The following IGSF21 variants were observed in gnomAD, a reference collection of about 807,000 sequenced individuals.
IGSF21 encodes the protein immunoglobin superfamily member 21.
Under a neutral mutation model 46.8 loss-of-function variants are expected in IGSF21, and 28 were observed. That is an observed-to-expected ratio of 0.60 (90% CI 0.44 to 0.82). The LOEUF (loss-of-function observed/expected upper bound fraction) is 0.82. Ranked by LOEUF, IGSF21 falls within the 40% of genes least tolerant of loss-of-function variation. The probability of loss-of-function intolerance (pLI) is 0.00; values close to 1 mark genes in which losing one functional copy is unlikely to be tolerated. For missense variants in IGSF21, 624 were observed against 665.5 expected, an observed-to-expected ratio of 0.94 and a Z score of 0.69; for synonymous variants, 284 against 273.6, an observed-to-expected ratio of 1.04 and a Z score of -0.38.
chr1:18,349,747 A>G (rs2085931285), intron 4 of IGSF21, among the ~76,000 whole-genome samples: 1 of 152,162 alleles, frequency 6.6e-6, no homozygotes, highest in African/African-American at 2.4e-5. Flanking sequence ...AGATCTTGTG[A>G]TGATCCCATT....
At chr1:18,311,533 A>G (rs1426488698) in intron 3 of IGSF21, among the ~76,000 whole-genome samples, 3 of 152,140 alleles carry the variant, frequency 2.0e-5, no homozygotes, top group African/African-American at 7.2e-5. Flanking sequence ...TCTGCCATCC[A>G]TTTCTTTACC....
intron 3 of IGSF21, among the ~76,000 whole-genome samples, chr1:18,294,494 G>T (rs1256498051): frequency 6.6e-6 from 1 of 152,176 alleles, no homozygotes. Flanking sequence ...CTACAGAAGA[G>T]GTCAAAGTTC....
At chr1:18,211,738 G>A (rs960255033) in intron 1 of IGSF21, among the ~76,000 whole-genome samples, 1 of 152,112 alleles carries the variant, frequency 6.6e-6, no homozygotes, top group Non-Finnish European at 1.5e-5. Context: ...TATTCCTTGA[G>A]TAATAACTAT....
chr1:18,352,208 A>G (rs920492144), intron 4 of IGSF21, among the ~76,000 whole-genome samples: 3 of 152,160 alleles, frequency 2.0e-5, no homozygotes, highest in Non-Finnish European at 4.4e-5. Flanking sequence ...TTCGTTTTCT[A>G]TCAGTAATCA....
intron 2 of IGSF21, among the ~76,000 whole-genome samples, chr1:18,238,782 CAAGAA>C (rs939903804): frequency 3.0e-4 from 46 of 152,238 alleles, no homozygotes; most frequent in African/African-American, 1.1e-3. Flanking sequence ...CTTCACTTAC[CAAGAA>C]AAGAAAAGAG....
intron 3 of IGSF21, among the ~76,000 whole-genome samples, chr1:18,325,936 G>T (rs57161878): frequency 0.091 from 13,906 of 152,186 alleles, 1,729 homozygotes; most frequent in African/African-American, 0.28. Context: ...TGGGTCACTA[G>T]GCCAAGCTAA....
chr1:18,262,605 G>A (rs1224202450), intron 2 of IGSF21, among the ~76,000 whole-genome samples: 1 of 152,232 alleles, frequency 6.6e-6, no homozygotes, highest in African/African-American at 2.4e-5. Flanking sequence ...CTGTAGCAGC[G>A]CTGTTCCAGA....
Position 18,335,514 on chromosome 1 carries a change from C to G in IGSF21, c.424+504C>G, listed in dbSNP as rs1040284691. Among the ~76,000 whole-genome samples, 2 of 152,198 alleles carry G rather than the reference C, an allele frequency of 1.3e-5. No homozygotes were observed. The highest frequency in any genetic ancestry group is 2.4e-5 in the African/African-American group (1 of 41,446). ...TAATAATACTGGTGTCTGTCTCTAG[C>G]TGGCTGGGTCCTTGGGTAAGTCTAT... On this transcript the variant is annotated intron_variant, in intron 4 of 9. Transcript: ENST00000251296. This position sits in a 1 kb window ranked among gnomAD's most constrained non-coding sequence, Gnocchi z 4.8.
At chr1:18,146,447 C>A (rs1028906005) in intron 1 of IGSF21, among the ~76,000 whole-genome samples, 1 of 152,112 alleles carries the variant, frequency 6.6e-6, no homozygotes, top group South Asian at 2.1e-4. Flanking sequence ...TCAGGAGAGG[C>A]TGGAGCTGAG....
rs771983509 is a variant in IGSF21, at chr1:18,365,173, T to C, written c.541-50T>C. ...TTCATCGGAGAACCCACTGGGAGGT[T>C]GAAGTTAGTAGCACAAAATCATTTT... On this transcript the variant is annotated intron_variant, in intron 5 of 9. Coordinates refer to ENST00000251296, the MANE Select transcript of IGSF21 (RefSeq NM_032880.5). This position sits in a 1 kb window ranked among gnomAD's most constrained non-coding sequence, Gnocchi z 4.8. 6 of 1,450,588 alleles carry C rather than the reference T, an allele frequency of 4.1e-6. No individual in the cohort carries two copies. The East Asian group carries it at 1.1e-4, about 28-fold the overall frequency. 89.9% of individuals were successfully genotyped at this position (1,450,588 alleles called of 1,614,324 possible).
At chr1:18,142,001 C>T (rs2086419173) in intron 1 of IGSF21, among the ~76,000 whole-genome samples, 1 of 152,076 alleles carries the variant, frequency 6.6e-6, no homozygotes, top group Non-Finnish European at 1.5e-5. Flanking sequence ...GCCCCGGAGG[C>T]CTAAACTGCA....
chr1:18,231,922 C>CGTGTGTGTGTGTGTGTGTGTGTGTGTGT (rs150869622), intron 2 of IGSF21, among the ~76,000 whole-genome samples: 6 of 136,520 alleles, frequency 4.4e-5, no homozygotes, highest in East Asian at 4.5e-4. Flanking sequence ...ATCATTAGAT[C>CGTGTGTGTGTGTGTGTGTGTGTGTGTGT]GTGTGTGTGT....
At chr1:18,325,277 G>A (rs1032122170) in intron 3 of IGSF21, among the ~76,000 whole-genome samples, 1 of 152,196 alleles carries the variant, frequency 6.6e-6, no homozygotes, top group Non-Finnish European at 1.5e-5. Context: ...ATATTCATTA[G>A]GCAGCTGCCC....
intron 2 of IGSF21, among the ~76,000 whole-genome samples, chr1:18,235,628 G>A (rs139506114): frequency 6.6e-6 from 1 of 152,340 alleles, no homozygotes; most frequent in African/African-American, 2.4e-5. Context: ...CATGTGGCTG[G>A]AACAAAACGA....
At chr1:18,160,679 C>G (rs574124860) in intron 1 of IGSF21, among the ~76,000 whole-genome samples, 1 of 152,192 alleles carries the variant, frequency 6.6e-6, no homozygotes, top group Non-Finnish European at 1.5e-5. Flanking sequence ...CTGTCATAGT[C>G]ATTATAACCC....
chr1:18,200,575 G>C (rs1035679565), intron 1 of IGSF21, among the ~76,000 whole-genome samples: 1 of 152,106 alleles, frequency 6.6e-6, no homozygotes. Flanking sequence ...TGCTCCCTCT[G>C]TGTCTGCTTC....
At chr1:18,374,717 C>G (rs2086263265) in intron 6 of IGSF21, among the ~76,000 whole-genome samples, 1 of 152,138 alleles carries the variant, frequency 6.6e-6, no homozygotes, top group South Asian at 2.1e-4. Context: ...ATTGGCAGTG[C>G]CTGGGAGGCC....
chr1:18,315,226 A>G (rs548049445), intron 3 of IGSF21, among the ~76,000 whole-genome samples: 1 of 152,044 alleles, frequency 6.6e-6, no homozygotes, highest in Non-Finnish European at 1.5e-5. Flanking sequence ...GCGAGCTGAG[A>G]GTTTTGCTCC....
At chr1:18,221,588 G>T (rs958743618) in intron 1 of IGSF21, among the ~76,000 whole-genome samples, 12 of 152,094 alleles carry the variant, frequency 7.9e-5, no homozygotes, top group African/African-American at 2.9e-4. Flanking sequence ...TATTGCCCGC[G>T]ATTTTGCTAA....
Sources: gnomAD v4.1 joint callset for allele counts (sites outside exome capture counted in the v4.1 genomes callset) on GRCh38, gnomAD v4.1.1 for gene constraint, Gnocchi (gnomAD v3.1) non-coding constraint, MANE v1.5 for transcripts, NCBI Gene and HGNC (gene_info 2026-07-23, HGNC 2026-07-21) for gene names.